Variants in ATRNL1 observed in about 807,000 individuals in gnomAD.
ATRNL1 encodes the protein attractin like 1.
In ATRNL1, 95 loss-of-function variants were observed where a neutral mutation model predicts 182.7. The ratio of observed to expected loss-of-function variants is 0.52; its 90% confidence interval spans 0.44 to 0.62. The LOEUF is 0.62. Ranked by LOEUF, ATRNL1 falls within the 20% of genes least tolerant of loss-of-function variation. ATRNL1 has a pLI of 0.00. For synonymous variants in ATRNL1, 576 were observed against 568.3 expected, an observed-to-expected ratio of 1.01 and a Z score of -0.19; for missense variants, 1,471 against 1,679.5, an observed-to-expected ratio of 0.88 and a Z score of 2.17.
chr10:115,868,160 G>A (rs1368731869), intron 28 of ATRNL1, among the ~76,000 whole-genome samples: 2 of 152,086 alleles, frequency 1.3e-5, no homozygotes, highest in Non-Finnish European at 2.9e-5. Context: ...GTATATATTC[G>A]AGTGATATGC....
chr10:115,390,700 G>A (rs993086765), intron 19 of ATRNL1, among the ~76,000 whole-genome samples: 1 of 152,104 alleles, frequency 6.6e-6, no homozygotes, highest in Admixed American at 6.5e-5. Flanking sequence ...AATGCCATTG[G>A]CATTTTGTCA....
chr10:115,923,136 A>T (rs1555119109), intron 28 of ATRNL1, among the ~76,000 whole-genome samples: 1 of 152,148 alleles, frequency 6.6e-6, no homozygotes, highest in African/African-American at 2.4e-5. Context: ...AATGATAGTG[A>T]AGTGGCTCTA....
At chr10:115,808,621 C>T (rs1212086637) in intron 27 of ATRNL1, among the ~76,000 whole-genome samples, 2 of 152,058 alleles carry the variant, frequency 1.3e-5, no homozygotes, top group Non-Finnish European at 2.9e-5. Context: ...CTCAAAGGGG[C>T]GGCACCGCTA....
intron 9 of ATRNL1, among the ~76,000 whole-genome samples, chr10:115,224,336 A>G (rs1260223765): frequency 6.6e-6 from 1 of 152,110 alleles, no homozygotes; most frequent in Non-Finnish European, 1.5e-5. Context: ...AGGGGCACTT[A>G]TAGATCTAAA....
intron 26 of ATRNL1, among the ~76,000 whole-genome samples, chr10:115,688,708 A>G (rs1001455007): frequency 6.6e-6 from 1 of 152,034 alleles, no homozygotes; most frequent in East Asian, 1.9e-4. Flanking sequence ...TATTCTGTAT[A>G]TTAGTCTCCT....
chr10:115,649,325 G>A (rs560745743), intron 26 of ATRNL1, among the ~76,000 whole-genome samples: 297 of 152,144 alleles, frequency 2.0e-3, no homozygotes, highest in Non-Finnish European at 3.4e-3. Flanking sequence ...TCTGAAGGTC[G>A]TTTGAAATAC....
chr10:115,166,603 C>T (rs1847055226), intron 7 of ATRNL1, among the ~76,000 whole-genome samples: 1 of 151,716 alleles, frequency 6.6e-6, no homozygotes, highest in Non-Finnish European at 1.5e-5. Context: ...TGATAATTGA[C>T]CTAATGAGTA....
chr10:115,440,873 A>G (rs1554965580), intron 21 of ATRNL1, among the ~76,000 whole-genome samples: 1 of 151,896 alleles, frequency 6.6e-6, no homozygotes, highest in African/African-American at 2.4e-5. Flanking sequence ...TTCCTTTATA[A>G]TACTCTCCAA....
intron 9 of ATRNL1, among the ~76,000 whole-genome samples, chr10:115,231,522 A>G (rs1290823865): frequency 6.6e-6 from 1 of 152,130 alleles, no homozygotes; most frequent in Non-Finnish European, 1.5e-5. Flanking sequence ...GGGACAAGAT[A>G]TATATATTTT....
At chr10:115,888,920 A>G (rs1297184716) in intron 28 of ATRNL1, among the ~76,000 whole-genome samples, 1 of 152,196 alleles carries the variant, frequency 6.6e-6, no homozygotes, top group Non-Finnish European at 1.5e-5. Flanking sequence ...GGCTGGAACT[A>G]GTAATCTGAC....
chr10:115,580,407 T>A (rs1854997227), intron 26 of ATRNL1, among the ~76,000 whole-genome samples: 1 of 152,104 alleles, frequency 6.6e-6, no homozygotes, highest in African/African-American at 2.4e-5. Flanking sequence ...GCATTTTGAA[T>A]ATATTTTTCT....
chr10:115,237,004 T>A (rs1850215465), intron 9 of ATRNL1, among the ~76,000 whole-genome samples: 1 of 152,220 alleles, frequency 6.6e-6, no homozygotes, highest in Admixed American at 6.5e-5. Flanking sequence ...ATGTAGTATG[T>A]AGCCTTTTAA....
intron 21 of ATRNL1, among the ~76,000 whole-genome samples, chr10:115,455,695 G>C (rs545512136): frequency 6.6e-6 from 1 of 152,128 alleles, no homozygotes; most frequent in Non-Finnish European, 1.5e-5. Context: ...AGAGTGAACA[G>C]GCAGCCTACA....
chr10:115,241,005 G>C (rs1554902732), intron 9 of ATRNL1, among the ~76,000 whole-genome samples: 1 of 152,010 alleles, frequency 6.6e-6, no homozygotes, highest in African/African-American at 2.4e-5. Context: ...AATTTATGCT[G>C]TTAGAATAGT....
intron 26 of ATRNL1, among the ~76,000 whole-genome samples, chr10:115,605,510 T>C (rs1248655499): frequency 2.6e-5 from 4 of 152,112 alleles, no homozygotes; most frequent in African/African-American, 9.7e-5. Context: ...CCCTAACTTA[T>C]GATAGTTTGA....
At chr10:115,683,106 T>C (rs1946103428) in intron 26 of ATRNL1, among the ~76,000 whole-genome samples, 1 of 152,106 alleles carries the variant, frequency 6.6e-6, no homozygotes, top group South Asian at 2.1e-4. Flanking sequence ...TTTGTATAAA[T>C]TGATAAAGTT....
chr10:115,173,831 G>C (rs573194279), intron 8 of ATRNL1, among the ~76,000 whole-genome samples: 1 of 148,616 alleles, frequency 6.7e-6, no homozygotes, highest in East Asian at 2.0e-4. Flanking sequence ...TTATTGTTTA[G>C]TGTTTTAGAA....
At chr10:115,891,619 C>A (rs1173523210) in intron 28 of ATRNL1, among the ~76,000 whole-genome samples, 1 of 152,020 alleles carries the variant, frequency 6.6e-6, no homozygotes, top group African/African-American at 2.4e-5. Flanking sequence ...ATTTATTTTT[C>A]AACGTCTTCT....
At chr10:115,850,006 G>A (rs1191320420) in intron 28 of ATRNL1, among the ~76,000 whole-genome samples, 1 of 152,162 alleles carries the variant, frequency 6.6e-6, no homozygotes, top group African/African-American at 2.4e-5. Flanking sequence ...ATGAGTATCT[G>A]CGTACATAAT....
Sources: allele counts gnomAD v4.1 joint callset (sites outside exome capture counted in the v4.1 genomes callset), GRCh38; gene constraint gnomAD v4.1.1; transcripts MANE v1.5; gene names NCBI Gene and HGNC (gene_info 2026-07-23, HGNC 2026-07-21).